AGPAT3: variants seen among roughly 807,000 people sequenced by gnomAD.
The protein encoded by AGPAT3 is 1-acyl-sn-glycerol-3-phosphate acyltransferase gamma.
In AGPAT3, 5 loss-of-function variants were observed where a neutral mutation model predicts 47.3. That is an observed-to-expected ratio of 0.11 (90% confidence interval 0.06 to 0.22). AGPAT3 has a LOEUF of 0.22. AGPAT3 is among the 10% of genes least tolerant of loss of function. The pLI is 1.00. For missense variants in AGPAT3, 315 were observed against 493.0 expected, an observed-to-expected ratio of 0.64 and a Z score of 3.42; for synonymous variants, 212 against 208.3, an observed-to-expected ratio of 1.02 and a Z score of -0.15.
chr21:43,955,245 A>T lies in AGPAT3; in HGVS notation c.-48-4389A>T. 2 of 1,215,394 alleles carry T rather than the reference A, an allele frequency of 1.6e-6. No homozygotes were observed. Among genetic ancestry groups the T allele is most frequent in the Non-Finnish European group, 2.1e-6 (2 of 945,944 alleles). The allele number at this position is 1,215,394 out of a possible 1,614,324, so 75.3% of individuals were successfully genotyped here. A position where few individuals can be genotyped will look rare whatever the true frequency, so the allele number is the denominator to read the frequency against. Reference sequence around the variant, plus strand: ...GTGTTTGTGAACCTCTAGAAAAGGTAAATTAACCTATAGAGCTGGAAAGCT... The same window carrying T: ...GTGTTTGTGAACCTCTAGAAAAGGTTAATTAACCTATAGAGCTGGAAAGCT... On this transcript the variant is annotated intron_variant, in intron 2 of 9. Transcript: ENST00000291572. This position sits in a 1 kb window ranked among gnomAD's most constrained non-coding sequence, Gnocchi z 4.1.
At chr21:43,980,600 T>C (rs1310248707) in intron 8 of AGPAT3, among the ~76,000 whole-genome samples, 3 of 152,226 alleles carry the variant, frequency 2.0e-5, no homozygotes, top group Non-Finnish European at 4.4e-5. Flanking sequence ...GGGATTTGCA[T>C]CCAGGCCGCG....
chr21:43,872,424 A>C (rs993577807), intron 1 of AGPAT3, among the ~76,000 whole-genome samples: 1 of 151,798 alleles, frequency 6.6e-6, no homozygotes, highest in Non-Finnish European at 1.5e-5. Context: ...CAAGTGATCC[A>C]CCCACCTCGG....
chr21:43,884,782 T>C (rs1265511554), intron 1 of AGPAT3, among the ~76,000 whole-genome samples: 1 of 151,948 alleles, frequency 6.6e-6, no homozygotes, highest in Non-Finnish European at 1.5e-5. Flanking sequence ...TGCTGGGTAC[T>C]GGGTGCTCTG....
At chr21:43,882,646 C>T (rs2085878775) in intron 1 of AGPAT3, 2 of 152,410 alleles carry the variant, frequency 1.3e-5, no homozygotes, top group Middle Eastern at 6.8e-3. Flanking sequence ...ATTTCAGCCC[C>T]CCTCTAAGAA....
At chr21:43,975,894 C>T (rs1475299122) in intron 7 of AGPAT3, among the ~76,000 whole-genome samples, 5 of 152,000 alleles carry the variant, frequency 3.3e-5, no homozygotes, top group Admixed American at 6.6e-5. Context: ...TGACGGCCGT[C>T]GCAGGGAAGA....
At chr21:43,942,557 G>A (rs79746389) in intron 2 of AGPAT3, among the ~76,000 whole-genome samples, 4 of 152,224 alleles carry the variant, frequency 2.6e-5, no homozygotes, top group Non-Finnish European at 2.9e-5. Flanking sequence ...CTCTCTGAGC[G>A]TGGGGTTCTA....
In AGPAT3 at chr21:43,887,918, G is replaced by A. The variant is rs1169536915; in HGVS notation, c.-111-16039G>A. ...AACTCCTGCCTCAGCCTCCCACAGT[G>A]CTGGGATGACAGGCATGAGCCACCA... On this transcript the variant is annotated intron_variant, in intron 1 of 9. Coordinates refer to ENST00000291572, the MANE Select transcript of AGPAT3 (RefSeq NM_020132.5). Among the ~76,000 whole-genome samples, 4 of 152,346 alleles carry A rather than the reference G, an allele frequency of 2.6e-5. No individual in the cohort carries two copies. In the South Asian group the frequency reaches 8.3e-4, roughly 32 times the overall value.
In AGPAT3 at chr21:43,933,921, G is replaced by A. The variant is rs538938266; in HGVS notation, c.-48-25713G>A. On this transcript the variant is annotated intron_variant, in intron 2 of 9. Coordinates refer to ENST00000291572, the MANE Select transcript of AGPAT3 (RefSeq NM_020132.5). This position sits in a 1 kb window ranked among gnomAD's most constrained non-coding sequence, Gnocchi z 6.0. ...AGCAGGACGGGGTCTGTGGGTGCAC[G>A]AGAGGAGGCCCTTGGTCTGGAACAG... 4.6e-5 allele frequency among the ~76,000 whole-genome samples: 7 copies of A among 152,322 alleles called. 1 individual carries two copies. The highest frequency in any genetic ancestry group is 3.4e-3 in the Middle Eastern group (1 of 294).
chr21:43,873,719 T>A (rs183874375), intron 1 of AGPAT3, among the ~76,000 whole-genome samples: 334 of 152,340 alleles, frequency 2.2e-3, no homozygotes, highest in Non-Finnish European at 3.5e-3. Context: ...AATATTTTCT[T>A]AATTTTTAAA....
In AGPAT3 at chr21:43,974,446, G is replaced by A. The variant is rs528340415; in HGVS notation, c.767+2956G>A. Among the ~76,000 whole-genome samples, 3 of 151,568 alleles carry A rather than the reference G, an allele frequency of 2.0e-5. No individual in the cohort carries two copies. The South Asian group carries it at 6.3e-4, about 32-fold the overall frequency. ...GTGTGTGTTGAACTGTGTGTGGTAT[G>A]TGTGTATAAATTATAAATGTGCATG... is the stretch of plus-strand genomic sequence containing the variant. On this transcript the variant is annotated intron_variant, in intron 7 of 9. Transcript: ENST00000291572.
At chr21:43,905,317 G>A (rs1319935219) in intron 2 of AGPAT3, among the ~76,000 whole-genome samples, 3 of 151,956 alleles carry the variant, frequency 2.0e-5, no homozygotes, top group Non-Finnish European at 4.4e-5. Flanking sequence ...AGCCCCCTGA[G>A]TAGCTGGGAC....
rs2085826028 is a variant in AGPAT3 at position 43,880,133 on chromosome 21, G to T, written c.-112+14788G>T. Among the ~76,000 whole-genome samples, 1 of 152,244 alleles carries T rather than the reference G, an allele frequency of 6.6e-6. No homozygotes were observed. The highest frequency in any genetic ancestry group is 2.4e-5 in the African/African-American group (1 of 41,472). On this transcript the variant is annotated intron_variant, in intron 1 of 9. Transcript: ENST00000291572. The surrounding 1 kb of genome is among the most constrained non-coding windows in gnomAD (Gnocchi z 4.5). ...GGTGTGGACTTGAGCTTCGACATCA[G>T]TTGGCACTGGCCTTTTGCACCCATG...
chr21:43,969,123 C>T lies in AGPAT3; in HGVS notation c.354C>T (p.Ser118=). ...MCERFGVLGS[S]KVLAKKELLY... ...CCTCCTTCTCCTCCCTCCAGAGCTC[C>T]AAGGTCCTCGCTAAGAAGGAGCTGC... Residue 118 remains serine (S), a synonymous_variant, in exon 5 of 10, where the codon TCC becomes TCT. Coordinates refer to ENST00000291572, the MANE Select transcript of AGPAT3 (RefSeq NM_020132.5). 6.2e-7 allele frequency: 1 copy of T among 1,614,170 alleles called. No individual in the cohort carries two copies. The highest frequency in any genetic ancestry group is 8.5e-7 in the Non-Finnish European group (1 of 1,180,004).
At chr21:43,962,040 G>T (rs2088894916) in intron 3 of AGPAT3, among the ~76,000 whole-genome samples, 2 of 143,020 alleles carry the variant, frequency 1.4e-5, no homozygotes, top group African/African-American at 5.3e-5. Context: ...TCGCTCTGTT[G>T]CCCAGGCTGG....
intron 2 of AGPAT3, among the ~76,000 whole-genome samples, chr21:43,916,755 G>A (rs1243854685): frequency 6.6e-6 from 1 of 152,114 alleles, no homozygotes; most frequent in African/African-American, 2.4e-5. Context: ...GTCATTTTGT[G>A]TATTTTAGGG....
At position 43,985,062 on chromosome 21, in the gene AGPAT3, G is replaced by A. The variant is rs1379022768; in HGVS notation, c.*2670G>A. ...CGCCACACTGGAGGCTCCCAGGCGG[G>A]AGGGCCCAGGCCCACCCACGGGCGT... On this transcript the variant is annotated 3_prime_UTR_variant, in exon 10 of 10. Transcript: ENST00000291572. 6.6e-6 allele frequency: 3 copies of A among 453,934 alleles called. No homozygotes were observed. In the Admixed American group the frequency reaches 7.1e-5, roughly 11 times the overall value. The allele number at this position is 453,934 out of a possible 1,614,324, so 28.1% of individuals were successfully genotyped here.
chr21:43,932,825 T>C lies in AGPAT3; in HGVS notation c.-48-26809T>C, dbSNP rs2087299711. Reference sequence around the variant, plus strand: ...GCCACCATGCCGGGCTAATTTTGTATGTTTAGTAGAGATGGGGTTTCACCA... The same window carrying C: ...GCCACCATGCCGGGCTAATTTTGTACGTTTAGTAGAGATGGGGTTTCACCA... On this transcript the variant is annotated intron_variant, in intron 2 of 9. Coordinates refer to ENST00000291572, the MANE Select transcript of AGPAT3 (RefSeq NM_020132.5). The surrounding 1 kb of genome is among the most constrained non-coding windows in gnomAD (Gnocchi z 5.2). Among the ~76,000 whole-genome samples the C allele has an allele frequency of 6.6e-6, 1 of 152,142 alleles. No homozygotes were observed. The highest frequency in any genetic ancestry group is 1.9e-4 in the East Asian group (1 of 5,190).
chr21:43,918,408 G>A (rs1043788240), intron 2 of AGPAT3, among the ~76,000 whole-genome samples: 3 of 152,086 alleles, frequency 2.0e-5, no homozygotes, highest in Non-Finnish European at 2.9e-5. Context: ...TCCAGTGAAT[G>A]GAAGGGAAAA....
At chr21:43,873,534 C>A (rs1026313745) in intron 1 of AGPAT3, among the ~76,000 whole-genome samples, 2 of 152,030 alleles carry the variant, frequency 1.3e-5, no homozygotes, top group African/African-American at 4.8e-5. Flanking sequence ...CGCACCACCA[C>A]GCCTGGCTAA....
Sources: gnomAD v4.1 joint callset for allele counts (sites outside exome capture counted in the v4.1 genomes callset) on GRCh38, gnomAD v4.1.1 for gene constraint, Gnocchi (gnomAD v3.1) non-coding constraint, MANE v1.5 for transcripts, NCBI Gene and HGNC (gene_info 2026-07-23, HGNC 2026-07-21) for gene names.